TBC1D9: variants seen among roughly 807,000 people sequenced by gnomAD.
TBC1D9 encodes TBC1 domain family member 9, also known as TBC1 domain family member 9A.
In TBC1D9, 63 loss-of-function variants were observed where a neutral mutation model predicts 132.0. That is an observed-to-expected ratio of 0.48 (90% CI 0.39 to 0.59). The LOEUF (loss-of-function observed/expected upper bound fraction) is 0.59, where lower values mean the gene tolerates loss of function less well. TBC1D9 is among the 20% of genes least tolerant of loss of function. TBC1D9 has a pLI of 0.00. For missense variants in TBC1D9, 1,261 were observed against 1,592.7 expected, an observed-to-expected ratio of 0.79 and a Z score of 3.54; for synonymous variants, 610 against 609.9, an observed-to-expected ratio of 1.00 and a Z score of 0.00.
At chr4:140,632,275 A>T (rs1392643317) in intron 16 of TBC1D9, among the ~76,000 whole-genome samples, 142 of 92,028 alleles carry the variant, frequency 1.5e-3, no homozygotes, top group Non-Finnish European at 2.2e-3. Flanking sequence ...TTTTTTTTTT[A>T]AATATCTCTT....
In TBC1D9 at chr4:140,756,191, G is replaced by C; in HGVS notation, c.-146C>G. The C allele has an allele frequency of 2.0e-6, 1 of 505,676 alleles. No homozygotes were observed. The highest frequency in any genetic ancestry group is 3.1e-6 in the Non-Finnish European group (1 of 323,792). 31.3% of individuals were successfully genotyped at this position (505,676 alleles called of 1,614,324 possible). The stretch of plus-strand genomic sequence containing the variant: ...CGGCGGCGGCGGCAGGCGACTTCAG[G>C]GGGTGGCCCGCGGCGTCCGGGCCAC... On this transcript the variant is annotated 5_prime_UTR_variant, in exon 1 of 21. Coordinates refer to ENST00000442267, the MANE Select transcript of TBC1D9 (RefSeq NM_015130.3). This position sits in a 1 kb window ranked among gnomAD's most constrained non-coding sequence, Gnocchi z 5.6.
At chr4:140,710,474 C>T (rs11100667) in intron 1 of TBC1D9, among the ~76,000 whole-genome samples, 55,008 of 151,974 alleles carry the variant, frequency 0.36, 11,842 homozygotes, top group Non-Finnish European at 0.48. Context: ...AGAGAGAAGC[C>T]GTGACTTTCA....
At chr4:140,696,541 G>A (rs1455743506) in intron 2 of TBC1D9, among the ~76,000 whole-genome samples, 4 of 146,670 alleles carry the variant, frequency 2.7e-5, no homozygotes, top group South Asian at 2.3e-4. Flanking sequence ...CCTCCACCCC[G>A]CTTTCTATAT....
chr4:140,669,145 A>T, intron 8 of TBC1D9, 78 bp from the exon 9 acceptor site: 1 of 1,424,698 alleles, frequency 7.0e-7, no homozygotes, highest in Non-Finnish European at 9.8e-7. Context: ...AGGTCAGAAC[A>T]TGTTCCCTGC....
intron 3 of TBC1D9, among the ~76,000 whole-genome samples, chr4:140,684,738 G>A (rs962649239): frequency 4.0e-5 from 6 of 151,224 alleles, no homozygotes; most frequent in Admixed American, 6.6e-5. Flanking sequence ...CCTGAGGCAG[G>A]AGAATTGCTT....
intron 1 of TBC1D9, among the ~76,000 whole-genome samples, chr4:140,737,186 A>G (rs536156006): frequency 1.3e-5 from 2 of 152,180 alleles, no homozygotes; most frequent in Admixed American, 6.5e-5. Flanking sequence ...CTCAGGAAGT[A>G]ATGCTTGCCT....
At chr4:140,673,281 A>G (rs994274761) in intron 6 of TBC1D9, among the ~76,000 whole-genome samples, 2 of 152,212 alleles carry the variant, frequency 1.3e-5, no homozygotes, top group Non-Finnish European at 2.9e-5. Context: ...CCTTAAGTCA[A>G]TATGTAGAAT....
chr4:140,627,368 G>A, intron 18 of TBC1D9, 73 bp downstream of exon 18: 1 of 921,936 alleles, frequency 1.1e-6, no homozygotes, highest in Non-Finnish European at 1.7e-6. Flanking sequence ...AGCTTTGGAG[G>A]CAAGTCTTTT....
At chr4:140,677,962 A>T (rs1413882433) in intron 5 of TBC1D9, among the ~76,000 whole-genome samples, 1 of 151,884 alleles carries the variant, frequency 6.6e-6, no homozygotes. Flanking sequence ...CCCTCACCAA[A>T]ATGCTCTTCC....
chr4:140,645,133 G>A, intron 13 of TBC1D9: 1 of 563,236 alleles, frequency 1.8e-6, no homozygotes. Context: ...CTGGTAGGGT[G>A]CACGTGGGCC....
intron 7 of TBC1D9, among the ~76,000 whole-genome samples, chr4:140,670,393 G>A (rs548650847): frequency 6.6e-6 from 1 of 152,224 alleles, no homozygotes; most frequent in Non-Finnish European, 1.5e-5. Context: ...TTGTATTTCA[G>A]GTTTGAGACT....
chr4:140,642,691 A>C, intron 13 of TBC1D9: 2 of 663,708 alleles, frequency 3.0e-6, no homozygotes, highest in Non-Finnish European at 5.4e-6. Context: ...CTGTTCCAAT[A>C]AGGGCATTGT....
intron 1 of TBC1D9, among the ~76,000 whole-genome samples, chr4:140,749,693 A>G (rs1738892201): frequency 6.6e-6 from 1 of 152,154 alleles, no homozygotes; most frequent in Non-Finnish European, 1.5e-5. Context: ...AAACATTATA[A>G]AAAGGAAATA....
chr4:140,648,385 G>GTTTTTTTT (rs1243797618), intron 13 of TBC1D9, among the ~76,000 whole-genome samples: 2 of 121,870 alleles, frequency 1.6e-5, no homozygotes, highest in Non-Finnish European at 3.6e-5. Flanking sequence ...TTTTGTTGTT[G>GTTTTTTTT]TTTTTTTTTT....
intron 1 of TBC1D9, among the ~76,000 whole-genome samples, chr4:140,711,637 T>C (rs1228116029): frequency 6.6e-6 from 1 of 152,224 alleles, no homozygotes; most frequent in Non-Finnish European, 1.5e-5. Context: ...AAATTACATT[T>C]AGGTAATGAC....
intron 1 of TBC1D9, among the ~76,000 whole-genome samples, chr4:140,733,511 G>A (rs186859262): frequency 9.9e-4 from 151 of 152,142 alleles, no homozygotes; most frequent in South Asian, 4.2e-4. Context: ...AACAAACACC[G>A]CTACAACTTT....
rs879885577 is a variant in TBC1D9 at position 140,727,806 on chromosome 4, TA to T, written c.131-26193del. ...ATGAGTGACGAATTAGCCAGGAAGT[TA>T]AAAAAAAAAAGGGGTGGGAATGGCA... On this transcript the variant is annotated intron_variant, in intron 1 of 20. Transcript: ENST00000442267. 3.4e-3 allele frequency among the ~76,000 whole-genome samples: 495 copies of T among 143,752 alleles called. 1 individual carries two copies. Among genetic ancestry groups the T allele is most frequent in the African/African-American group, 4.2e-3 (165 of 39,478 alleles). 94.3% of individuals were successfully genotyped at this position (143,752 alleles called of 152,430 possible).
intron 18 of TBC1D9, 86 bp downstream of exon 18, chr4:140,627,355 A>G: frequency 3.6e-6 from 3 of 825,214 alleles, no homozygotes; most frequent in Non-Finnish European, 5.9e-6. Context: ...TCTTTGATTG[A>G]CTAGCTTTGG....
intron 13 of TBC1D9, chr4:140,643,656 T>C (rs573067232): frequency 2.4e-4 from 262 of 1,098,402 alleles, no homozygotes; most frequent in Admixed American, 2.2e-3. Context: ...TGGCTCCTCC[T>C]TGGCCTCCAC....
Sources: allele counts gnomAD v4.1 joint callset (sites outside exome capture counted in the v4.1 genomes callset), GRCh38; gene constraint gnomAD v4.1.1; non-coding constraint Gnocchi (gnomAD v3.1); transcripts MANE v1.5; gene names NCBI Gene and HGNC (gene_info 2026-07-23, HGNC 2026-07-21).